The following IHO1 variants were observed in gnomAD, a reference collection of about 807,000 sequenced individuals.
IHO1 encodes the protein interactor of HORMAD1 1, also known as interactor of HORMAD1 protein 1.
A neutral mutation model predicts 31.0 loss-of-function variants in IHO1; 13 were observed. That is an observed-to-expected ratio of 0.42 (90% CI 0.27 to 0.67). The LOEUF is 0.67. Ranked by LOEUF, IHO1 falls within the 30% of genes least tolerant of loss-of-function variation. IHO1 has a pLI of 0.24. For synonymous variants in IHO1, 221 were observed against 248.4 expected, an observed-to-expected ratio of 0.89 and a Z score of 1.04; for missense variants, 599 against 687.5, an observed-to-expected ratio of 0.87 and a Z score of 1.44.
chr3:49,214,637 T>A (rs1313293410), intron 2 of IHO1, among the ~76,000 whole-genome samples: 1 of 58,548 alleles, frequency 1.7e-5, no homozygotes, highest in Non-Finnish European at 3.5e-5. Context: ...TATATATTTT[T>A]TTTTTTTTTT....
chr3:49,227,915 C>A (rs561750622), intron 2 of IHO1, among the ~76,000 whole-genome samples: 1 of 152,116 alleles, frequency 6.6e-6, no homozygotes, highest in African/African-American at 2.4e-5. Context: ...GATAGTCCCC[C>A]CTACGACGGA....
intron 1 of IHO1, among the ~76,000 whole-genome samples, chr3:49,200,023 C>T (rs1035528242): frequency 1.3e-5 from 2 of 152,088 alleles, no homozygotes; most frequent in Non-Finnish European, 1.5e-5. Context: ...GGAGAAGAGG[C>T]GGAAAATGAG....
upstream of IHO1, among the ~76,000 whole-genome samples, chr3:49,194,624 G>A (rs1237401441): frequency 1.3e-5 from 2 of 149,504 alleles, no homozygotes; most frequent in African/African-American, 4.9e-5. Flanking sequence ...GGCATGGCAT[G>A]GTGGCTCATG....
chr3:49,208,190 T>C (rs1389087113), intron 1 of IHO1, among the ~76,000 whole-genome samples: 1 of 152,210 alleles, frequency 6.6e-6, no homozygotes, highest in African/African-American at 2.4e-5. Flanking sequence ...TTTCTGCCAC[T>C]GTGGAATAAG....
intron 6 of IHO1, among the ~76,000 whole-genome samples, chr3:49,250,988 C>T (rs1313129612): frequency 6.6e-6 from 1 of 151,990 alleles, no homozygotes. Flanking sequence ...CGCGCCACTG[C>T]ACTCCAGCCT....
intron 1 of IHO1, among the ~76,000 whole-genome samples, chr3:49,203,103 A>G (rs1159593258): frequency 6.6e-6 from 1 of 151,646 alleles, no homozygotes; most frequent in African/African-American, 2.4e-5. Flanking sequence ...CAGAGCTCAG[A>G]CAATCCTCCT....
At chr3:49,211,300 G>A (rs556926715) in intron 1 of IHO1, among the ~76,000 whole-genome samples, 10 of 152,218 alleles carry the variant, frequency 6.6e-5, no homozygotes, top group Non-Finnish European at 1.2e-4. Flanking sequence ...GAGCCACTGC[G>A]CCCGGCTTCC....
intron 2 of IHO1, among the ~76,000 whole-genome samples, chr3:49,212,577 G>A (rs1303069134): frequency 6.6e-6 from 1 of 151,798 alleles, no homozygotes; most frequent in Non-Finnish European, 1.5e-5. Flanking sequence ...AGTGTGTCCA[G>A]AATTGGTGGG....
intron 4 of IHO1, among the ~76,000 whole-genome samples, chr3:49,242,255 C>G (rs1329579920): frequency 1.3e-5 from 2 of 151,972 alleles, no homozygotes. Flanking sequence ...CCTTAGCTTC[C>G]CAAGTAGCTT....
chr3:49,201,846 A>G (rs2046073478), intron 1 of IHO1, among the ~76,000 whole-genome samples: 1 of 152,160 alleles, frequency 6.6e-6, no homozygotes, highest in African/African-American at 2.4e-5. Context: ...TGAGCCTGAT[A>G]GGTGGAGGTT....
chr3:49,225,395 A>G (rs992759927), intron 2 of IHO1, among the ~76,000 whole-genome samples: 4 of 152,144 alleles, frequency 2.6e-5, no homozygotes, highest in Non-Finnish European at 5.9e-5. Context: ...CCCAGGAGGC[A>G]GAGGTTGCAG....
Position 49,241,263 on chromosome 3 carries a change from C to T in IHO1, c.269C>T (p.Pro90Leu), listed in dbSNP as rs761450321. 26 of 1,612,284 alleles carry T rather than the reference C, an allele frequency of 1.6e-5. No homozygotes were observed. Among genetic ancestry groups the T allele is most frequent in the Non-Finnish European group, 2.1e-5 (25 of 1,179,442 alleles). Residue 90 changes from proline to leucine, a missense_variant, in exon 4 of 8, where the codon CCC becomes CTC. Physicochemically the swap from Pro to Leu is moderately conservative, Grantham distance 98. Transcript: ENST00000452691. ...ATTTTCACAAAGTACCAGACAAAGC[C>T]CCAGCTGTTCGGAGGAGATATAAAA... ...PSIFTKYQTK[P>L]QLFGGDIKDG... is the part of the protein sequence containing the mutation.
intron 2 of IHO1, among the ~76,000 whole-genome samples, chr3:49,215,974 C>G (rs2046282048): frequency 6.6e-6 from 1 of 152,166 alleles, no homozygotes; most frequent in Non-Finnish European, 1.5e-5. Flanking sequence ...TCACCCTTCT[C>G]TATCCTGAAC....
chr3:49,234,428 C>T (rs2046527135), intron 2 of IHO1, among the ~76,000 whole-genome samples: 1 of 152,010 alleles, frequency 6.6e-6, no homozygotes. Flanking sequence ...AGTCTGCCCA[C>T]CTCGGCCTCC....
chr3:49,210,666 A>G (rs1437047565), intron 1 of IHO1, among the ~76,000 whole-genome samples: 42 of 148,344 alleles, frequency 2.8e-4, no homozygotes, highest in Admixed American at 2.8e-3. Context: ...CCCAAAGTGC[A>G]GGGATTACAG....
chr3:49,195,815 C>T, upstream of IHO1, among the ~76,000 whole-genome samples: 1 of 150,410 alleles, frequency 6.6e-6, no homozygotes. Context: ...TAGAAATCAC[C>T]TGGGGGCCAG....
the IHO1 span, among the ~76,000 whole-genome samples, chr3:49,193,099 G>A: frequency 2.6e-5 from 4 of 152,038 alleles, no homozygotes; most frequent in African/African-American, 4.8e-5. Flanking sequence ...GGCCAGGTGC[G>A]GTCACTCACG....
intron 1 of IHO1, among the ~76,000 whole-genome samples, chr3:49,209,462 T>C (rs1012661529): frequency 2.0e-5 from 3 of 151,516 alleles, no homozygotes; most frequent in Non-Finnish European, 4.4e-5. Context: ...GGTGAGACCC[T>C]GTCTCTACTT....
intron 1 of IHO1, among the ~76,000 whole-genome samples, chr3:49,210,444 C>T (rs896679386): frequency 6.6e-5 from 10 of 151,812 alleles, no homozygotes; most frequent in African/African-American, 2.4e-4. Context: ...ATCGCCCAGG[C>T]TGGAGTGCAG....
Sources: allele counts gnomAD v4.1 joint callset (sites outside exome capture counted in the v4.1 genomes callset), GRCh38; gene constraint gnomAD v4.1.1; transcripts MANE v1.5; gene names NCBI Gene and HGNC (gene_info 2026-07-23, HGNC 2026-07-21).